UGT2B17: variants seen among roughly 807,000 people sequenced by gnomAD.
The protein encoded by UGT2B17 is UDP glucuronosyltransferase family 2 member B17.
A neutral mutation model predicts 48.2 loss-of-function variants in UGT2B17; 21 were observed. The observed-to-expected ratio is 0.44, with a 90% CI of 0.31 to 0.63. The LOEUF (loss-of-function observed/expected upper bound fraction) is 0.63. Ranked by LOEUF, UGT2B17 falls within the 20% of genes least tolerant of loss-of-function variation. UGT2B17 has a pLI of 0.08. For missense variants in UGT2B17, 402 were observed against 696.1 expected (o/e 0.58, Z 4.75); for synonymous variants, 146 against 238.4 (o/e 0.61, Z 3.57).
intron 6 of UGT2B17, among the ~76,000 whole-genome samples, chr4:68,543,030 C>A (rs1423464762): frequency 7.9e-6 from 1 of 126,472 alleles, no homozygotes; most frequent in Non-Finnish European, 1.7e-5. Context: ...CATAACCAAA[C>A]AAAAGGCAGC....
At chr4:68,565,763 A>G (rs747552582) in intron 2 of UGT2B17, 43 bp from the exon 3 acceptor site, 2 of 1,312,582 alleles carry the variant, frequency 1.5e-6, no homozygotes, top group Admixed American at 4.7e-5. Context: ...AGCTAACACG[A>G]GAATTGTTAT....
In UGT2B17 at chr4:68,537,714, C is replaced by A. The variant is rs780696179; in HGVS notation, c.1504G>T (p.Val502Leu). The A allele has an allele frequency of 3.6e-6, 5 of 1,378,558 alleles. 2 individuals carry two copies. In the African/African-American group the frequency reaches 7.4e-5, roughly 20 times the overall value. 85.4% of individuals were successfully genotyped at this position (1,378,558 alleles called of 1,614,324 possible). A position where few individuals can be genotyped will look rare whatever the true frequency, so the allele number is the denominator to read the frequency against. The change falls in exon 7 of 7, where the codon GTG becomes TTG. Residue 502 changes from valine (V) to leucine (L), a missense_variant. Coordinates refer to ENST00000317746, the MANE Select transcript of UGT2B17 (RefSeq NM_001077.4). ...LDVIAFLLAC[V>L]ATMIFMITKC... Reference sequence around the variant, plus strand: ...GTGATCATAAATATCATAGTTGCCACGCAGGCCAGCAGGAATGCTATCACA... The same window carrying A: ...GTGATCATAAATATCATAGTTGCCAAGCAGGCCAGCAGGAATGCTATCACA...
rs1560584080 is a variant in UGT2B17, at chr4:68,575,802, A to T, written c.-65+149T>A. On this transcript the variant is annotated intron_variant, in intron 1 of 6. Transcript: ENST00000317746. ...ATCAGGCTATGCTACACTTCCATTC[A>T]GGTGGAGTGGGGCAAGTTCAAAAGA... Among the ~76,000 whole-genome samples, 2 of 125,040 alleles carry T rather than the reference A, an allele frequency of 1.6e-5. 1 individual carries two copies. The highest frequency in any genetic ancestry group is 3.4e-5 in the Non-Finnish European group (2 of 59,110). 82.0% of individuals were successfully genotyped at this position (125,040 alleles called of 152,430 possible).
chr4:68,545,642 T>G (rs1290439482), intron 6 of UGT2B17, among the ~76,000 whole-genome samples: 1 of 125,664 alleles, frequency 8.0e-6, no homozygotes, highest in Non-Finnish European at 1.7e-5. Flanking sequence ...AAGAGCTGGT[T>G]TTTTGAAAAG....
rs1307402120 is a variant in UGT2B17 at position 68,543,402 on chromosome 4, A to G, written c.1314-5498T>C. Among the ~76,000 whole-genome samples, 2 of 126,304 alleles carry G rather than the reference A, an allele frequency of 1.6e-5. 1 individual carries two copies. The highest frequency in any genetic ancestry group is 5.4e-5 in the African/African-American group (2 of 36,996). 82.9% of individuals were successfully genotyped at this position (126,304 alleles called of 152,430 possible). A position where few individuals can be genotyped will look rare whatever the true frequency, so the allele number is the denominator to read the frequency against. On this transcript the variant is annotated intron_variant, in intron 6 of 6. Transcript: ENST00000317746. ...TGACTGTTAGAAGGAAAACTAACAA[A>G]CGGAAAGGACATCCACACCAAAACC...
intron 2 of UGT2B17, 27 bp downstream of exon 2, chr4:68,567,734 T>C: frequency 7.9e-7 from 1 of 1,269,848 alleles, no homozygotes; most frequent in Non-Finnish European, 1.0e-6. Context: ...TAGAACTTAA[T>C]AAACACCAAT....
intron 4 of UGT2B17, among the ~76,000 whole-genome samples, chr4:68,556,142 A>C (rs1730996215): frequency 8.0e-6 from 1 of 124,478 alleles, no homozygotes; most frequent in Non-Finnish European, 1.7e-5. Context: ...TCTATAATTA[A>C]AGGGAAATTA....
At position 68,574,987 on chromosome 4, in the gene UGT2B17, T is replaced by A. The variant is rs1422765294; in HGVS notation, c.-65+964A>T. 3.7e-4 allele frequency among the ~76,000 whole-genome samples: 46 copies of A among 122,670 alleles called. 11 individuals are homozygous for A. The highest frequency in any genetic ancestry group is 5.1e-4 in the Non-Finnish European group (30 of 58,626). 80.5% of individuals were successfully genotyped at this position (122,670 alleles called of 152,430 possible). On this transcript the variant is annotated intron_variant, in intron 1 of 6. Transcript: ENST00000317746. The stretch of plus-strand genomic sequence containing the variant: ...TTTGAAGATAACCATTCCTTTTTTT[T>A]AAAAAGTGAACTTTCTTTATGTCTT...
intron 1 of UGT2B17, among the ~76,000 whole-genome samples, chr4:68,570,468 G>A (rs72846068): frequency 0.078 from 9,883 of 126,154 alleles, 2,659 homozygotes; most frequent in East Asian, 0.28. Flanking sequence ...GCCTGTCTTT[G>A]GTTTTACTTC....
In UGT2B17 at chr4:68,550,871, T is replaced by C; in HGVS notation, c.1119A>G (p.Ile373Met). The change falls in exon 6 of 7, where the codon ATA becomes ATG. Residue 373 changes from isoleucine (I) to methionine (M), a missense_variant. Around this residue, in one of 5 missense-constraint regions of UGT2B17, gnomAD observed 156 missense variants for 258.6 expected, o/e 0.60. Transcript: ENST00000317746. Reference sequence around the variant, plus strand: ...AGATGCCATTGGTTCCACCATGAGTTATAAAAGCTTTGGTTTTGGGATGAC... The same window carrying C: ...AGATGCCATTGGTTCCACCATGAGTCATAAAAGCTTTGGTTTTGGGATGAC... ...LLGHPKTKAF[I>M]THGGTNGIYE... 1 of 1,375,578 alleles carries C rather than the reference T, an allele frequency of 7.3e-7. No individual in the cohort carries two copies. Among genetic ancestry groups the C allele is most frequent in the Non-Finnish European group, 9.5e-7 (1 of 1,056,106 alleles). The allele number at this position is 1,375,578 out of a possible 1,614,324, so 85.2% of individuals were successfully genotyped here. A position where few individuals can be genotyped will look rare whatever the true frequency, so the allele number is the denominator to read the frequency against.
At chr4:68,571,164 T>C (rs1413038526) in intron 1 of UGT2B17, among the ~76,000 whole-genome samples, 1 of 125,498 alleles carries the variant, frequency 8.0e-6, no homozygotes, top group Non-Finnish European at 1.7e-5. Context: ...TGTGCCTAAG[T>C]GGCGGGTCCA....
rs1303010900 is a variant in UGT2B17, at chr4:68,574,805, G to T, written c.-65+1146C>A. 1.4e-4 allele frequency among the ~76,000 whole-genome samples: 17 copies of T among 124,228 alleles called. 4 individuals are homozygous for T. Among genetic ancestry groups the T allele is most frequent in the African/African-American group, 4.7e-4 (17 of 36,246 alleles). The allele number at this position is 124,228 out of a possible 152,430, so 81.5% of individuals were successfully genotyped here. ...AAAATTTTTTATAACTTTTTTTCAC[G>T]ACTTTCGCCAACAATTTTTCAACAT... is the stretch of plus-strand genomic sequence containing the variant. On this transcript the variant is annotated intron_variant, in intron 1 of 6. Transcript: ENST00000317746.
chr4:68,567,646 C>A, intron 2 of UGT2B17, 115 bp downstream of exon 2: 1 of 802,784 alleles, frequency 1.2e-6, no homozygotes, highest in Non-Finnish European at 1.7e-6. Flanking sequence ...CTTACATTTG[C>A]AATTCATAAT....
At chr4:68,544,634 A>G (rs1385316201) in intron 6 of UGT2B17, among the ~76,000 whole-genome samples, 1 of 126,278 alleles carries the variant, frequency 7.9e-6, no homozygotes, top group Non-Finnish European at 1.7e-5. Context: ...GCTAGAATTA[A>G]AAGACACAGA....
At position 68,566,239 on chromosome 4, in the gene UGT2B17, T is replaced by A. The variant is rs1159519884; in HGVS notation, c.725-519A>T. Reference sequence around the variant, plus strand: ...ATATAGTCATCATTTAATTTTTATGTATTGCATATGTTGCTCATATGTATA... The same window carrying A: ...ATATAGTCATCATTTAATTTTTATGAATTGCATATGTTGCTCATATGTATA... On this transcript the variant is annotated intron_variant, in intron 2 of 6. Coordinates refer to ENST00000317746, the MANE Select transcript of UGT2B17 (RefSeq NM_001077.4). Among the ~76,000 whole-genome samples the A allele has an allele frequency of 6.5e-5, 8 of 122,812 alleles. 2 individuals are homozygous for A. Among genetic ancestry groups the A allele is most frequent in the Non-Finnish European group, 1.0e-4 (6 of 58,972 alleles). 80.6% of individuals were successfully genotyped at this position (122,812 alleles called of 152,430 possible).
rs1227745269 is a variant in UGT2B17, at chr4:68,537,866, T to C, written c.1352A>G (p.His451Arg). ...ATCCAGGGGCTTCACCGGTTGATCATGATGAATTCTTGATAATTTCATGAT... is the reference window on the plus strand; with the variant it reads ...ATCCAGGGGCTTCACCGGTTGATCACGATGAATTCTTGATAATTTCATGAT... The part of the protein sequence containing the change: ...ENIMKLSRIH[H>R]DQPVKPLDRA... Residue 451 changes from histidine to arginine, a missense_variant, in exon 7 of 7, where the codon CAT becomes CGT. Transcript: ENST00000317746. The C allele has an allele frequency of 1.0e-5, 14 of 1,372,884 alleles. 4 individuals carry two copies. The highest frequency in any genetic ancestry group is 3.0e-5 in the African/African-American group (2 of 67,666). 85.0% of individuals were successfully genotyped at this position (1,372,884 alleles called of 1,614,324 possible).
At position 68,542,161 on chromosome 4, in the gene UGT2B17, T is replaced by C. The variant is rs1268644867; in HGVS notation, c.1314-4257A>G. ...TAATTGCTTGTTTTTGTCAGGTTTGTCAAAGATCAGATGGTTGTAGATGTG... is the reference window on the plus strand; with the variant it reads ...TAATTGCTTGTTTTTGTCAGGTTTGCCAAAGATCAGATGGTTGTAGATGTG... On this transcript the variant is annotated intron_variant, in intron 6 of 6. Coordinates refer to ENST00000317746, the MANE Select transcript of UGT2B17 (RefSeq NM_001077.4). Among the ~76,000 whole-genome samples, 6 of 126,748 alleles carry C rather than the reference T, an allele frequency of 4.7e-5. 2 individuals are homozygous for C. The highest frequency in any genetic ancestry group is 1.6e-4 in the Admixed American group (2 of 12,466). 83.2% of individuals were successfully genotyped at this position (126,748 alleles called of 152,430 possible). A position where few individuals can be genotyped will look rare whatever the true frequency, so the allele number is the denominator to read the frequency against.
chr4:68,561,507 G>C (rs1731102688), intron 3 of UGT2B17, among the ~76,000 whole-genome samples: 1 of 124,188 alleles, frequency 8.1e-6, no homozygotes, highest in Non-Finnish European at 1.7e-5. Flanking sequence ...CTGTGAAATT[G>C]ATGTGCTATT....
chr4:68,537,634 TTTC>T lies in UGT2B17; in HGVS notation c.1581_1583del (p.Lys528del), dbSNP rs1730577384. ...CAGGCTTTTGATATAACTAATCCCT[TTTC>T]TTCTTCTTTCCTGTTTTGGCAAGCT... On this transcript the variant is annotated inframe_deletion, in exon 7 of 7. Coordinates refer to ENST00000317746, the MANE Select transcript of UGT2B17 (RefSeq NM_001077.4). The T allele has an allele frequency of 7.3e-7, 1 of 1,370,140 alleles. No homozygotes were observed. Among genetic ancestry groups the T allele is most frequent in the Admixed American group, 2.0e-5 (1 of 49,898 alleles). The allele number at this position is 1,370,140 out of a possible 1,614,324, so 84.9% of individuals were successfully genotyped here. A position where few individuals can be genotyped will look rare whatever the true frequency, so the allele number is the denominator to read the frequency against.
Sources: gnomAD v4.1 joint callset for allele counts (sites outside exome capture counted in the v4.1 genomes callset) on GRCh38, gnomAD v4.1.1 for gene constraint, gnomAD v4.1.1 regional missense constraint, MANE v1.5 for transcripts, NCBI Gene and HGNC (gene_info 2026-07-23, HGNC 2026-07-21) for gene names.